The following ABCC11 variants were observed in gnomAD, a reference collection of about 807,000 sequenced individuals.
ABCC11 encodes the protein ATP-binding cassette sub-family C member 11.
A neutral mutation model predicts 149.3 loss-of-function variants in ABCC11; 135 were observed. The ratio of observed to expected loss-of-function variants is 0.90; its 90% CI spans 0.79 to 1.04. The LOEUF is 1.04. Among genes scored for constraint, ABCC11 ranks in the 50% least tolerant of loss-of-function variants. ABCC11 has a pLI of 0.00. For missense variants in ABCC11, 1,680 were observed against 1,722.1 expected, an observed-to-expected ratio of 0.98 and a Z score of 0.43; for synonymous variants, 665 against 671.4, an observed-to-expected ratio of 0.99 and a Z score of 0.15.
At position 48,184,484 on chromosome 16, in the gene ABCC11, T is replaced by C. The variant is rs746068297; in HGVS notation, c.3214A>G (p.Thr1072Ala). 3.2e-5 allele frequency: 52 copies of C among 1,613,758 alleles called. 1 individual carries two copies. In the Middle Eastern group the frequency reaches 1.5e-3, roughly 46 times the overall value. The change falls in exon 23 of 30, where the codon ACC becomes GCC. Residue 1072 changes from threonine to alanine, a missense_variant. Transcript: ENST00000356608. ...ALFVAFGISSTPYSFKVMAVN... is the reference protein window; with the variant it reads ...ALFVAFGISSAPYSFKVMAVN... Reference sequence around the variant, plus strand: ...GCCATGACTTTAAAGGAGTAGGGGGTGGAGGAAATGCCAAAAGCCACGAAC... The same window carrying C: ...GCCATGACTTTAAAGGAGTAGGGGGCGGAGGAAATGCCAAAAGCCACGAAC...
intron 10 of ABCC11, among the ~76,000 whole-genome samples, chr16:48,211,835 A>G (rs1968954824): frequency 6.6e-6 from 1 of 152,246 alleles, no homozygotes; most frequent in Admixed American, 6.5e-5. Context: ...ATAAAGCACA[A>G]GGGTTGAACT....
At chr16:48,193,803 G>T in intron 19 of ABCC11, 76 bp downstream of exon 19, 2 of 1,201,828 alleles carry the variant, frequency 1.7e-6, no homozygotes, top group Non-Finnish European at 2.4e-6. Context: ...TGGCTCTTGT[G>T]GTCTCAAGGA....
chr16:48,176,035 A>C (rs1004530698), intron 25 of ABCC11: 1 of 152,270 alleles, frequency 6.6e-6, no homozygotes. Context: ...GGTGCTCAGT[A>C]AAAACCTACT....
intron 14 of ABCC11, among the ~76,000 whole-genome samples, chr16:48,202,447 C>T (rs929528309): frequency 6.6e-6 from 1 of 152,004 alleles, no homozygotes; most frequent in African/African-American, 2.4e-5. Flanking sequence ...CCTGTCTCCA[C>T]TAAAAATGCA....
chr16:48,173,053 T>A (rs1380758857), intron 26 of ABCC11, among the ~76,000 whole-genome samples: 1 of 152,226 alleles, frequency 6.6e-6, no homozygotes, highest in Non-Finnish European at 1.5e-5. Context: ...GCATGACATT[T>A]GATATCTCCA....
intron 14 of ABCC11, among the ~76,000 whole-genome samples, chr16:48,200,920 A>T (rs918287808): frequency 2.6e-5 from 4 of 152,222 alleles, no homozygotes; most frequent in Non-Finnish European, 4.4e-5. Flanking sequence ...TAGAAATGAT[A>T]AATACCCTAA....
chr16:48,168,223 C>A (rs1204949085), intron 28 of ABCC11, among the ~76,000 whole-genome samples: 2 of 129,354 alleles, frequency 1.5e-5, no homozygotes, highest in Admixed American at 7.5e-5. Flanking sequence ...CCAGAGATGA[C>A]AAAAATCATA....
chr16:48,175,633 G>T (rs1966012163), intron 25 of ABCC11, among the ~76,000 whole-genome samples: 1 of 152,178 alleles, frequency 6.6e-6, no homozygotes, highest in Non-Finnish European at 1.5e-5. Flanking sequence ...GGGCACACGT[G>T]GGGCCCCTGG....
chr16:48,201,457 C>T (rs905446667), intron 14 of ABCC11, among the ~76,000 whole-genome samples: 2 of 149,698 alleles, frequency 1.3e-5, no homozygotes, highest in Non-Finnish European at 3.0e-5. Context: ...TGTTTTTAAA[C>T]CTTTTTTTTT....
chr16:48,179,118 C>T (rs1318506696), intron 23 of ABCC11, among the ~76,000 whole-genome samples: 13 of 152,190 alleles, frequency 8.5e-5, no homozygotes, highest in African/African-American at 2.4e-4. Flanking sequence ...TGGAAATACC[C>T]CATATGCTTC....
At chr16:48,196,110 A>C in intron 18 of ABCC11, 122 bp downstream of exon 18, 1 of 968,918 alleles carries the variant, frequency 1.0e-6, no homozygotes, top group Non-Finnish European at 1.5e-6. Context: ...AAGTTAGGCC[A>C]ATAAATACCA....
Position 48,178,681 on chromosome 16 carries a change from C to T in ABCC11, c.3264G>A (p.Ala1088=), listed in dbSNP as rs138522850. Residue 1088 remains alanine, a synonymous_variant, in exon 24 of 30, where the codon GCG becomes GCA. Coordinates refer to ENST00000356608, the MANE Select transcript of ABCC11 (RefSeq NM_001370497.1). ...VMAVNIVLQL[A]SSFQATARIG... ...TCCGGGCAGTGGCCTGGAAGCTGGACGCCAGCTAGAAGGAAGGAGAAGTAT... is the reference window on the plus strand; with the variant it reads ...TCCGGGCAGTGGCCTGGAAGCTGGATGCCAGCTAGAAGGAAGGAGAAGTAT... The T allele has an allele frequency of 1.9e-3, 3,144 of 1,614,150 alleles. 99 individuals are homozygous for T. In the Admixed American group the frequency reaches 0.041, roughly 21 times the overall value.
At chr16:48,185,784 C>T (rs1161856900) in intron 22 of ABCC11, among the ~76,000 whole-genome samples, 1 of 152,098 alleles carries the variant, frequency 6.6e-6, no homozygotes, top group Admixed American at 6.6e-5. Flanking sequence ...GAGTCACCTC[C>T]ACCTTGAGGC....
intron 15 of ABCC11, among the ~76,000 whole-genome samples, chr16:48,199,410 A>T (rs1967733359): frequency 6.6e-6 from 1 of 152,036 alleles, no homozygotes. Context: ...AAAAAAAAAT[A>T]GTAAAGCAAA....
chr16:48,175,384 A>G lies in ABCC11; in HGVS notation c.3572T>C (p.Leu1191Pro). 6.2e-7 allele frequency: 1 copy of G among 1,613,072 alleles called. No homozygotes were observed. Among genetic ancestry groups the G allele is most frequent in the Non-Finnish European group, 8.5e-7 (1 of 1,179,080 alleles). Residue 1191 changes from leucine to proline, a missense_variant, in exon 26 of 30, where the codon CTG becomes CCG. Coordinates refer to ENST00000356608, the MANE Select transcript of ABCC11 (RefSeq NM_001370497.1). ...AATCCGGCCTGCCATGGGCTCCACC[A>G]GGCGGAAGAGAGCCATGCCCAAGGA... Reference protein sequence around the residue: ...KSSLGMALFRLVEPMAGRILI... With the variant: ...KSSLGMALFRPVEPMAGRILI...
rs1361449815 is a variant in ABCC11 at position 48,187,919 on chromosome 16, C to G, written c.2707-492G>C. ...AGACCAAATTGAGGACTAGCTAAAA[C>G]AGGGGTGGGGTGGAAGCCACTTTCC... On this transcript the variant is annotated intron_variant, in intron 20 of 29. Transcript: ENST00000356608. Among the ~76,000 whole-genome samples the G allele has an allele frequency of 2.6e-5, 4 of 152,092 alleles. No individual in the cohort carries two copies. In the East Asian group the frequency reaches 7.7e-4, roughly 29 times the overall value.
At chr16:48,217,682 T>G (rs1969441730) in intron 6 of ABCC11, among the ~76,000 whole-genome samples, 1 of 152,246 alleles carries the variant, frequency 6.6e-6, no homozygotes, top group Non-Finnish European at 1.5e-5. Context: ...GAATTGCCAG[T>G]CTGAATCCCT....
intron 22 of ABCC11, 137 bp from the exon 23 acceptor site, chr16:48,184,763 G>T: frequency 2.3e-6 from 2 of 865,900 alleles, no homozygotes; most frequent in South Asian, 3.6e-5. Flanking sequence ...TCTTTGGGGA[G>T]TTCCTCCCTA....
chr16:48,208,574 T>A (rs1043671187), intron 11 of ABCC11, 78 bp from the exon 12 acceptor site: 2 of 1,495,086 alleles, frequency 1.3e-6, no homozygotes, highest in Non-Finnish European at 1.8e-6. Context: ...GGCTCAACTG[T>A]TTAGAACCCA....
Sources: gnomAD v4.1 joint callset for allele counts (sites outside exome capture counted in the v4.1 genomes callset) on GRCh38, gnomAD v4.1.1 for gene constraint, MANE v1.5 for transcripts, NCBI Gene and HGNC (gene_info 2026-07-23, HGNC 2026-07-21) for gene names.